SPATA9: variants seen among roughly 807,000 people sequenced by gnomAD.
SPATA9 encodes spermatogenesis-associated protein 9.
Under a neutral mutation model 25.5 loss-of-function variants are expected in SPATA9, and 27 were observed. That is an observed-to-expected ratio of 1.06 (90% CI 0.78 to 1.46). The LOEUF is 1.46. Ranked by LOEUF, SPATA9 falls within the 40% of genes most tolerant of loss-of-function variation. The probability of loss-of-function intolerance (pLI) is 0.00; values close to 1 mark genes in which losing one functional copy is unlikely to be tolerated. For synonymous variants in SPATA9, 102 were observed against 105.7 expected, an observed-to-expected ratio of 0.97 and a Z score of 0.21; for missense variants, 282 against 297.5, an observed-to-expected ratio of 0.95 and a Z score of 0.38.
downstream of SPATA9, chr5:95,652,855 A>G: frequency 2.4e-6 from 1 of 420,870 alleles, no homozygotes. Context: ...TAGCTTTCTG[A>G]TTTCTGGGCA....
At chr5:95,731,059 G>A in the SPATA9 span, 1 of 1,087,838 alleles carries the variant, frequency 9.2e-7, no homozygotes, top group Non-Finnish European at 1.2e-6. Flanking sequence ...GGCCTTGCGA[G>A]TTGAACAAAC....
downstream of SPATA9, chr5:95,652,859 C>T (rs547918135): frequency 2.3e-6 from 1 of 430,500 alleles, no homozygotes; most frequent in Admixed American, 4.2e-5. Flanking sequence ...TTTCTGATTT[C>T]TGGGCATCCA....
At chr5:95,678,419 C>T (rs962317222) in intron 2 of SPATA9, among the ~76,000 whole-genome samples, 22 of 151,976 alleles carry the variant, frequency 1.4e-4, no homozygotes, top group Non-Finnish European at 1.3e-4. Flanking sequence ...TTCCTAGCCT[C>T]AAAAAGAAGA....
chr5:95,685,470 A>G (rs1753717453), upstream of SPATA9, among the ~76,000 whole-genome samples: 1 of 152,216 alleles, frequency 6.6e-6, no homozygotes, highest in Non-Finnish European at 1.5e-5. Context: ...TAGATCAAGG[A>G]TTTGGACTCG....
At chr5:95,730,885 G>A in the SPATA9 span, 2 of 455,866 alleles carry the variant, frequency 4.4e-6, no homozygotes, top group Non-Finnish European at 4.4e-6. Flanking sequence ...AAATGAGAAA[G>A]CGGCAGACGT....
chr5:95,703,644 T>TAA (rs533173151), upstream of SPATA9, among the ~76,000 whole-genome samples: 2 of 143,432 alleles, frequency 1.4e-5, no homozygotes, highest in African/African-American at 5.1e-5. Context: ...CAAAAAAAAG[T>TAA]AAAAAAAAAA....
At chr5:95,653,796 G>T (rs891794704), downstream of SPATA9, among the ~76,000 whole-genome samples, 1 of 152,132 alleles carries the variant, frequency 6.6e-6, no homozygotes, top group Non-Finnish European at 1.5e-5. Flanking sequence ...TACTCGGGAG[G>T]CCAAGGCAGG....
downstream of SPATA9, chr5:95,653,977 T>A (rs185824237): frequency 1.8e-6 from 2 of 1,094,722 alleles, no homozygotes; most frequent in Admixed American, 2.5e-5. Context: ...AAGTCCGAAC[T>A]ATTCATTCTT....
At chr5:95,715,214 T>C in the SPATA9 span, among the ~76,000 whole-genome samples, 2 of 151,530 alleles carry the variant, frequency 1.3e-5, no homozygotes, top group South Asian at 2.1e-4. Flanking sequence ...GTCCCAGCTA[T>C]TCGGGAGGCT....
At chr5:95,681,489 T>C (rs1753451463) in intron 2 of SPATA9, among the ~76,000 whole-genome samples, 1 of 152,086 alleles carries the variant, frequency 6.6e-6, no homozygotes, top group Non-Finnish European at 1.5e-5. Flanking sequence ...CTCAGTAGAG[T>C]CATTCACTCC....
downstream of SPATA9, chr5:95,654,235 C>T (rs555150921): frequency 3.7e-6 from 6 of 1,611,222 alleles, no homozygotes; most frequent in Admixed American, 3.4e-5. Context: ...TTCGCTGTTA[C>T]CGTAAGATTT....
chr5:95,663,068 A>G (rs1751419954), intron 4 of SPATA9, among the ~76,000 whole-genome samples: 1 of 152,214 alleles, frequency 6.6e-6, no homozygotes, highest in African/African-American at 2.4e-5. Flanking sequence ...AAAGATATGT[A>G]CAGGAATATT....
At chr5:95,689,286 A>G (rs887633574) in intron 1 of SPATA9, among the ~76,000 whole-genome samples, 1 of 152,220 alleles carries the variant, frequency 6.6e-6, no homozygotes, top group Non-Finnish European at 1.5e-5. Flanking sequence ...CAGACAGTCT[A>G]TTATTGTACA....
chr5:95,675,336 C>T (rs1291781239), intron 3 of SPATA9, 76 bp downstream of exon 3: 4 of 1,188,534 alleles, frequency 3.4e-6, no homozygotes, highest in South Asian at 1.5e-5. Flanking sequence ...AAGTTCACCA[C>T]ATTTTATTTT....
chr5:95,730,733 G>A, the SPATA9 span: 9 of 312,032 alleles, frequency 2.9e-5, no homozygotes, highest in African/African-American at 4.4e-5. Context: ...AATATAGCTT[G>A]AAATAGTAAA....
upstream of SPATA9, among the ~76,000 whole-genome samples, chr5:95,701,093 T>C (rs922382119): frequency 2.0e-5 from 3 of 152,232 alleles, no homozygotes; most frequent in Admixed American, 6.5e-5. Context: ...CAGTACTTTA[T>C]CTGTAAAATG....
the SPATA9 span, chr5:95,713,861 T>C: frequency 6.6e-6 from 1 of 152,042 alleles, no homozygotes; most frequent in Non-Finnish European, 1.5e-5. Context: ...CTGAATACAT[T>C]ATCCAAACCT....
At chr5:95,670,585 C>A (rs1392954256) in intron 3 of SPATA9, 1 of 152,296 alleles carries the variant, frequency 6.6e-6, no homozygotes. Context: ...AAAGCATATC[C>A]CCTTGCATGG....
chr5:95,657,157 A>C (rs562507454), downstream of SPATA9: 1 of 152,258 alleles, frequency 6.6e-6, no homozygotes, highest in African/African-American at 2.4e-5. Flanking sequence ...AACTTTGTGA[A>C]TGTAGGCACA....
Sources: gnomAD v4.1 joint callset for allele counts (sites outside exome capture counted in the v4.1 genomes callset) on GRCh38, gnomAD v4.1.1 for gene constraint, MANE v1.5 for transcripts, NCBI Gene and HGNC (gene_info 2026-07-23, HGNC 2026-07-21) for gene names.